Variants in CDKAL1 observed in about 807,000 individuals in gnomAD.
The protein encoded by CDKAL1 is CDKAL1 threonylcarbamoyladenosine tRNA methylthiotransferase, also known as threonylcarbamoyladenosine tRNA methylthiotransferase.
CDKAL1 carries 32 observed loss-of-function variants against 68.2 expected under a neutral mutation model. The ratio of observed to expected loss-of-function variants is 0.47; its 90% CI spans 0.35 to 0.63. CDKAL1 has a LOEUF of 0.63. Ranked by LOEUF, CDKAL1 falls within the 30% of genes least tolerant of loss-of-function variation. The probability of loss-of-function intolerance (pLI) is 0.00; values close to 1 mark genes in which losing one functional copy is unlikely to be tolerated. For synonymous variants in CDKAL1, 234 were observed against 244.3 expected (o/e 0.96, Z 0.39); for missense variants, 606 against 696.7 (o/e 0.87, Z 1.47).
chr6:21,115,641 A>G (rs769045726), intron 13 of CDKAL1, among the ~76,000 whole-genome samples: 20 of 152,262 alleles, frequency 1.3e-4, no homozygotes, highest in Non-Finnish European at 2.8e-4. Flanking sequence ...GTTAAATATC[A>G]GGAACAATTG....
At chr6:20,585,589 A>G (rs1051457332) in intron 4 of CDKAL1, among the ~76,000 whole-genome samples, 1 of 152,056 alleles carries the variant, frequency 6.6e-6, no homozygotes, top group Non-Finnish European at 1.5e-5. Context: ...CTCAGTCCTT[A>G]TCTTATATAG....
Position 20,676,694 on chromosome 6 carries a change from TAAATAAATA to T in CDKAL1, c.371+27325_371+27333del, listed in dbSNP as rs1195413908. Among the ~76,000 whole-genome samples the T allele has an allele frequency of 2.8e-3, 347 of 124,548 alleles. 4 individuals are homozygous for T. Among genetic ancestry groups the T allele is most frequent in the Admixed American group, 0.023 (308 of 13,604 alleles). 81.7% of individuals were successfully genotyped at this position (124,548 alleles called of 152,430 possible). On this transcript the variant is annotated intron_variant, in intron 5 of 15. Transcript: ENST00000274695. The stretch of plus-strand genomic sequence containing the variant: ...ATAAATAAATAAATAAATAAATAAA[TAAATAAATA>T]AAATAAAATAAAATAAAAAAGTCTT...
chr6:21,169,060 A>G (rs1777266824), intron 13 of CDKAL1, among the ~76,000 whole-genome samples: 1 of 152,182 alleles, frequency 6.6e-6, no homozygotes, highest in Admixed American at 6.5e-5. Context: ...ATTTATGTGG[A>G]GAAAGTGGGA....
rs190298555 is a variant in CDKAL1 at position 20,896,186 on chromosome 6, C to T, written c.742+50008C>T. On this transcript the variant is annotated intron_variant, in intron 9 of 15. Transcript: ENST00000274695. ...CGCGATCTTGGCTCACTGCAGCCTC[C>T]GCCTCCCAGGTTCAAGCGATTCTCC... Among the ~76,000 whole-genome samples the T allele has an allele frequency of 2.2e-3, 331 of 149,446 alleles. 3 individuals carry two copies. Among genetic ancestry groups the T allele is most frequent in the African/African-American group, 7.5e-3 (306 of 40,566 alleles).
chr6:21,131,713 A>G (rs868792712), intron 13 of CDKAL1, among the ~76,000 whole-genome samples: 1 of 152,250 alleles, frequency 6.6e-6, no homozygotes, highest in Non-Finnish European at 1.5e-5. Flanking sequence ...TGATCAGTTC[A>G]GAGCATTCAG....
intron 11 of CDKAL1, among the ~76,000 whole-genome samples, chr6:21,063,168 G>T (rs1395999209): frequency 6.6e-6 from 1 of 152,166 alleles, no homozygotes; most frequent in African/African-American, 2.4e-5. Context: ...ACCCACCTTG[G>T]CCTCCCAGAG....
chr6:20,950,246 T>A (rs543341212), intron 9 of CDKAL1, among the ~76,000 whole-genome samples: 16 of 152,220 alleles, frequency 1.1e-4, no homozygotes, highest in African/African-American at 3.9e-4. Flanking sequence ...TGCCTCAGCC[T>A]CCTGAGTAGC....
intron 4 of CDKAL1, among the ~76,000 whole-genome samples, chr6:20,620,810 C>T (rs1340737529): frequency 6.6e-6 from 1 of 151,918 alleles, no homozygotes; most frequent in Non-Finnish European, 1.5e-5. Flanking sequence ...TGGAATGCTC[C>T]TATAGGTGCC....
intron 5 of CDKAL1, among the ~76,000 whole-genome samples, chr6:20,705,231 G>A (rs1192147116): frequency 1.3e-5 from 2 of 152,112 alleles, no homozygotes; most frequent in African/African-American, 4.8e-5. Context: ...ATATGCTTTA[G>A]CAAAAGTAGA....
chr6:20,855,469 A>G (rs909360663), intron 9 of CDKAL1, among the ~76,000 whole-genome samples: 2 of 146,846 alleles, frequency 1.4e-5, no homozygotes, highest in African/African-American at 5.1e-5. Context: ...AAAAAAAAAA[A>G]AAAGAACTTG....
intron 4 of CDKAL1, among the ~76,000 whole-genome samples, chr6:20,621,149 G>T (rs1767174127): frequency 6.6e-6 from 1 of 151,960 alleles, no homozygotes; most frequent in Non-Finnish European, 1.5e-5. Context: ...GAGATTTTTT[G>T]GTGGTGGTTT....
At chr6:21,131,143 T>C (rs529612669) in intron 13 of CDKAL1, among the ~76,000 whole-genome samples, 1 of 152,318 alleles carries the variant, frequency 6.6e-6, no homozygotes, top group South Asian at 2.1e-4. Context: ...TTTTATATAG[T>C]ATGATTTGCA....
intron 9 of CDKAL1, among the ~76,000 whole-genome samples, chr6:20,857,264 G>A (rs952444432): frequency 6.6e-6 from 1 of 152,164 alleles, no homozygotes; most frequent in African/African-American, 2.4e-5. Flanking sequence ...ATTTCTGGTA[G>A]TGTGAACAAG....
At chr6:20,690,999 A>G (rs1770847428) in intron 5 of CDKAL1, among the ~76,000 whole-genome samples, 4 of 152,222 alleles carry the variant, frequency 2.6e-5, no homozygotes, top group Admixed American at 2.6e-4. Flanking sequence ...CATGTATTGC[A>G]TGCAACAATA....
chr6:20,596,625 A>G (rs1038179881), intron 4 of CDKAL1, among the ~76,000 whole-genome samples: 9 of 152,176 alleles, frequency 5.9e-5, no homozygotes, highest in Non-Finnish European at 1.2e-4. Flanking sequence ...CTGCTGAGCT[A>G]GACTACTTGG....
At chr6:20,696,933 T>C (rs920860106) in intron 5 of CDKAL1, among the ~76,000 whole-genome samples, 1 of 152,202 alleles carries the variant, frequency 6.6e-6, no homozygotes, top group African/African-American at 2.4e-5. Context: ...TTTTCCACAT[T>C]GGCTCACGAA....
chr6:21,205,103 C>A (rs1055195300), intron 15 of CDKAL1, among the ~76,000 whole-genome samples: 1 of 152,204 alleles, frequency 6.6e-6, no homozygotes, highest in Non-Finnish European at 1.5e-5. Flanking sequence ...CCTCAGGGTT[C>A]ATCCATGTTG....
Position 20,745,637 on chromosome 6 carries a change from A to G in CDKAL1, c.468+6022A>G, listed in dbSNP as rs570441287. ...TAAAATGTAGTATATCATAGTGATT[A>G]AGAGTATGGATTCAGGAACTAGATT... is the stretch of plus-strand genomic sequence containing the variant. On this transcript the variant is annotated intron_variant, in intron 6 of 15. Transcript: ENST00000274695. Among the ~76,000 whole-genome samples, 4 of 152,342 alleles carry G rather than the reference A, an allele frequency of 2.6e-5. No homozygotes were observed. The East Asian group carries it at 5.8e-4, about 22-fold the overall frequency.
chr6:20,579,103 G>A (rs116004753), intron 4 of CDKAL1, among the ~76,000 whole-genome samples: 3,654 of 152,088 alleles, frequency 0.024, 157 homozygotes, highest in African/African-American at 0.083. Flanking sequence ...TCAGCCTTCC[G>A]AGTAGCTGGC....
Sources: allele counts gnomAD v4.1 joint callset (sites outside exome capture counted in the v4.1 genomes callset), GRCh38; gene constraint gnomAD v4.1.1; transcripts MANE v1.5; gene names NCBI Gene and HGNC (gene_info 2026-07-23, HGNC 2026-07-21).